Variants in SGCZ observed in about 807,000 individuals in gnomAD.
The protein encoded by SGCZ is sarcoglycan zeta.
SGCZ carries 40 observed loss-of-function variants against 41.3 expected under a neutral mutation model. The observed-to-expected ratio is 0.97, with a 90% CI of 0.75 to 1.26. The LOEUF (loss-of-function observed/expected upper bound fraction) is 1.26, where lower values mean the gene tolerates loss of function less well. SGCZ is among the 50% of genes most tolerant of loss of function. The pLI, the probability that SGCZ is intolerant of heterozygous loss-of-function variation, is 0.00. For synonymous variants in SGCZ, 206 were observed against 137.5 expected (o/e 1.50, Z -3.49); for missense variants, 552 against 369.8 (o/e 1.49, Z -4.04).
chr8:14,358,324 T>G (rs968714415), intron 2 of SGCZ, among the ~76,000 whole-genome samples: 1 of 152,220 alleles, frequency 6.6e-6, no homozygotes, highest in Admixed American at 6.5e-5. Context: ...GTGAGTTTTT[T>G]CCATATTGCA....
At chr8:14,144,366 A>T (rs193147558) in intron 5 of SGCZ, among the ~76,000 whole-genome samples, 1 of 152,282 alleles carries the variant, frequency 6.6e-6, no homozygotes, top group East Asian at 1.9e-4. Context: ...TTCTAGATAG[A>T]CCCTGGGCCA....
At chr8:14,218,810 TAC>T (rs1806089072) in intron 4 of SGCZ, among the ~76,000 whole-genome samples, 1 of 152,212 alleles carries the variant, frequency 6.6e-6, no homozygotes, top group African/African-American at 2.4e-5. Context: ...TTAATGAATG[TAC>T]AGTGTTGTGG....
At chr8:15,184,485 C>T (rs1441268449) in intron 1 of SGCZ, among the ~76,000 whole-genome samples, 3 of 150,924 alleles carry the variant, frequency 2.0e-5, no homozygotes, top group Non-Finnish European at 4.4e-5. Flanking sequence ...TCCAGTTACT[C>T]TTCACCTCTC....
At chr8:14,147,695 A>C (rs1459001706) in intron 5 of SGCZ, among the ~76,000 whole-genome samples, 1 of 152,206 alleles carries the variant, frequency 6.6e-6, no homozygotes. Context: ...ATTCTGCACT[A>C]CAGACCAAAT....
intron 1 of SGCZ, among the ~76,000 whole-genome samples, chr8:14,601,274 C>A (rs973683484): frequency 2.5e-4 from 38 of 151,824 alleles, no homozygotes; most frequent in African/African-American, 8.9e-4. Context: ...GTTTTTATTT[C>A]TTTCCTAGTA....
chr8:14,630,040 G>GA (rs1278747000), intron 1 of SGCZ, among the ~76,000 whole-genome samples: 3 of 151,974 alleles, frequency 2.0e-5, no homozygotes, highest in Middle Eastern at 3.4e-3. Flanking sequence ...ATATATTAGG[G>GA]AAAAAAATGT....
At chr8:14,683,542 A>C (rs1421475159) in intron 1 of SGCZ, among the ~76,000 whole-genome samples, 1 of 152,200 alleles carries the variant, frequency 6.6e-6, no homozygotes, top group Non-Finnish European at 1.5e-5. Flanking sequence ...TCCCAAATTC[A>C]TCAAGTAAAT....
intron 4 of SGCZ, among the ~76,000 whole-genome samples, chr8:14,235,963 A>G (rs1216126247): frequency 6.6e-6 from 1 of 152,178 alleles, no homozygotes; most frequent in Admixed American, 6.5e-5. Flanking sequence ...GATTACAGGC[A>G]TGAGCTCCCG....
At chr8:15,207,212 C>G (rs1354707614) in intron 1 of SGCZ, among the ~76,000 whole-genome samples, 4 of 152,138 alleles carry the variant, frequency 2.6e-5, no homozygotes, top group Admixed American at 2.6e-4. Flanking sequence ...TTTGGGTTGA[C>G]AGCAGGCTAA....
rs1236388087 is a variant in SGCZ, at chr8:14,088,497, G to C, written c.*1946C>G. Among the ~76,000 whole-genome samples, 1 of 151,596 alleles carries C rather than the reference G, an allele frequency of 6.6e-6. No individual in the cohort carries two copies. Among genetic ancestry groups the C allele is most frequent in the Non-Finnish European group, 1.5e-5 (1 of 67,760 alleles). On this transcript the variant is annotated 3_prime_UTR_variant, in exon 8 of 8. Coordinates refer to ENST00000382080, the MANE Select transcript of SGCZ (RefSeq NM_139167.4). ...CACACATAATTTCTCAATATTTCTT[G>C]TATTATACTTTATTTTGCAAAGACC...
chr8:14,455,097 A>G (rs1271071448), intron 2 of SGCZ, among the ~76,000 whole-genome samples: 1 of 152,140 alleles, frequency 6.6e-6, no homozygotes, highest in East Asian at 1.9e-4. Flanking sequence ...ACTTAATAAG[A>G]GGGAGAAAAT....
chr8:14,399,863 G>T (rs1020254772), intron 2 of SGCZ, among the ~76,000 whole-genome samples: 7 of 151,966 alleles, frequency 4.6e-5, no homozygotes, highest in African/African-American at 1.2e-4. Context: ...ATGCTATAAA[G>T]TTTACTTCTT....
At chr8:14,267,256 A>G (rs12676792) in intron 3 of SGCZ, among the ~76,000 whole-genome samples, 23,112 of 152,010 alleles carry the variant, frequency 0.15, 1,950 homozygotes, top group Admixed American at 0.22. Flanking sequence ...ATACTGAACA[A>G]GTATTATATG....
chr8:15,199,034 G>C (rs1047882913), intron 1 of SGCZ, among the ~76,000 whole-genome samples: 1 of 152,136 alleles, frequency 6.6e-6, no homozygotes, highest in Admixed American at 6.6e-5. Context: ...TTAATACAGT[G>C]ATTCGTTTAA....
intron 2 of SGCZ, among the ~76,000 whole-genome samples, chr8:14,388,256 A>C (rs1244426016): frequency 6.6e-6 from 1 of 152,174 alleles, no homozygotes; most frequent in African/African-American, 2.4e-5. Flanking sequence ...CAAAATTTCA[A>C]AAATAAAATA....
intron 3 of SGCZ, among the ~76,000 whole-genome samples, chr8:14,283,180 T>A (rs2116923274): frequency 6.9e-6 from 1 of 143,982 alleles, no homozygotes; most frequent in Admixed American, 7.0e-5. Flanking sequence ...TCTCCTTCTC[T>A]TGTCGATATA....
intron 2 of SGCZ, among the ~76,000 whole-genome samples, chr8:14,468,385 T>G (rs566373117): frequency 2.6e-5 from 4 of 152,098 alleles, no homozygotes; most frequent in Non-Finnish European, 5.9e-5. Context: ...ATCAATTTAT[T>G]TTAAATATCT....
At chr8:14,093,334 CAAAT>C (rs1371923630) in intron 7 of SGCZ, among the ~76,000 whole-genome samples, 1 of 151,990 alleles carries the variant, frequency 6.6e-6, no homozygotes, top group Admixed American at 6.6e-5. Context: ...AAACGCAAAT[CAAAT>C]AATCTTGCTA....
chr8:15,208,547 A>G (rs1039332050), intron 1 of SGCZ, among the ~76,000 whole-genome samples: 2 of 152,176 alleles, frequency 1.3e-5, no homozygotes, highest in Non-Finnish European at 2.9e-5. Context: ...AACTTACAAA[A>G]GCCAATTTAT....
Sources: gnomAD v4.1 joint callset for allele counts (sites outside exome capture counted in the v4.1 genomes callset) on GRCh38, gnomAD v4.1.1 for gene constraint, MANE v1.5 for transcripts, NCBI Gene and HGNC (gene_info 2026-07-23, HGNC 2026-07-21) for gene names.